The following DHRSX variants were observed in gnomAD, a reference collection of about 807,000 sequenced individuals.
DHRSX encodes dehydrogenase/reductase X-linked.
A neutral mutation model predicts 34.0 loss-of-function variants in DHRSX; 31 were observed. That is an observed-to-expected ratio of 0.91 (90% CI 0.69 to 1.23). The LOEUF (loss-of-function observed/expected upper bound fraction) is 1.23, where lower values mean the gene tolerates loss of function less well. Among genes scored for constraint, DHRSX ranks in the 50% most tolerant of loss-of-function variants. The pLI, the probability that DHRSX is intolerant of heterozygous loss-of-function variation, is 0.00. For synonymous variants in DHRSX, 201 were observed against 183.8 expected (o/e 1.09, Z -0.76); for missense variants, 414 against 428.1 (o/e 0.97, Z 0.29).
At chrX:2,288,134 AAG>A (rs1009705323) in intron 4 of DHRSX, among the ~76,000 whole-genome samples, 111 of 152,292 alleles carry the variant, frequency 7.3e-4, no homozygotes, top group Non-Finnish European at 8.8e-4. Context: ...GATAAAAAAA[AAG>A]AGAAGGCAAG....
intron 3 of DHRSX, among the ~76,000 whole-genome samples, chrX:2,324,529 G>C (rs1230720093): frequency 6.6e-6 from 1 of 152,044 alleles, no homozygotes; most frequent in South Asian, 2.1e-4. Context: ...TGCTTGCAAG[G>C]GTTCCATAAC....
intron 3 of DHRSX, among the ~76,000 whole-genome samples, chrX:2,312,265 C>T (rs1347798096): frequency 2.6e-5 from 4 of 152,024 alleles, no homozygotes; most frequent in Non-Finnish European, 1.5e-5. Context: ...TAATGAGCAA[C>T]TTGATGAAGA....
chrX:2,408,740 G>T lies in DHRSX; in HGVS notation c.286+5C>A. The T allele has an allele frequency of 6.2e-7, 1 of 1,607,388 alleles. No homozygotes were observed. The highest frequency in any genetic ancestry group is 8.5e-7 in the Non-Finnish European group (1 of 1,177,958). On this transcript the variant is annotated splice_donor_5th_base_variant and intron_variant, in intron 3 of 6. Coordinates refer to ENST00000334651, the MANE Select transcript of DHRSX (RefSeq NM_145177.3). The stretch of plus-strand genomic sequence containing the variant: ...AAAAAAAGCCATTGGAGTATCTCTC[G>T]GTACCTTTGTCGTTCAAGGTTTCTT...
intron 3 of DHRSX, among the ~76,000 whole-genome samples, chrX:2,341,593 C>T (rs1256799489): frequency 6.7e-6 from 1 of 149,230 alleles, no homozygotes. Context: ...TTTTTTACAT[C>T]TGCAAAGACC....
At chrX:2,412,975 T>A (rs1369674251) in intron 2 of DHRSX, among the ~76,000 whole-genome samples, 1 of 152,116 alleles carries the variant, frequency 6.6e-6, no homozygotes, top group African/African-American at 2.4e-5. Flanking sequence ...GGCAGGTGGA[T>A]CACAAGGTCA....
At chrX:2,465,827 G>GAAAGAAAAAAGAAA (rs1478487140) in intron 1 of DHRSX, among the ~76,000 whole-genome samples, 1 of 134,292 alleles carries the variant, frequency 7.4e-6, no homozygotes, top group Non-Finnish European at 1.6e-5. Context: ...AAAAAAAAAA[G>GAAAGAAAAAAGAAA]AGAAAAGAAA....
chrX:2,316,142 G>A (rs1270124522), intron 3 of DHRSX, among the ~76,000 whole-genome samples: 13 of 152,104 alleles, frequency 8.5e-5, no homozygotes, highest in African/African-American at 2.4e-4. Context: ...GATAACAGGC[G>A]TGAGCCACCG....
chrX:2,380,552 C>CT (rs1218541055), intron 3 of DHRSX, among the ~76,000 whole-genome samples: 1 of 151,982 alleles, frequency 6.6e-6, no homozygotes, highest in Non-Finnish European at 1.5e-5. Context: ...GCTCTGTGTC[C>CT]CCATCCAAAT....
intron 2 of DHRSX, among the ~76,000 whole-genome samples, 185 bp downstream of exon 2, chrX:2,425,012 T>A (rs997848578): frequency 6.6e-6 from 1 of 151,872 alleles, no homozygotes; most frequent in Non-Finnish European, 1.5e-5. Context: ...TGGTGGTGCA[T>A]GTCTGTAAAC....
rs186187011 is a variant in DHRSX at position 2,295,712 on chromosome X, C to T, written c.287-4109G>A. Among the ~76,000 whole-genome samples, 7 of 152,232 alleles carry T rather than the reference C, an allele frequency of 4.6e-5. No individual in the cohort carries two copies. The South Asian group carries it at 1.0e-3, about 23-fold the overall frequency. On this transcript the variant is annotated intron_variant, in intron 3 of 6. Transcript: ENST00000334651. ...GCTGAGTCTGTGTTATTTTGTTACA[C>T]GGCATGTGTAACTAATACACAAAAT... is the stretch of plus-strand genomic sequence containing the variant.
chrX:2,238,652 C>T (rs868096437), intron 6 of DHRSX, among the ~76,000 whole-genome samples: 7 of 150,952 alleles, frequency 4.6e-5, no homozygotes, highest in African/African-American at 7.3e-5. Flanking sequence ...GGCGCCATCT[C>T]GGCTTACTGC....
intron 1 of DHRSX, among the ~76,000 whole-genome samples, chrX:2,457,960 T>C (rs1397511666): frequency 6.6e-6 from 1 of 150,910 alleles, no homozygotes; most frequent in Non-Finnish European, 1.5e-5. Context: ...AGACATTCCC[T>C]AAGCTTGTGG....
At chrX:2,366,727 G>A (rs2042998048) in intron 3 of DHRSX, among the ~76,000 whole-genome samples, 1 of 151,880 alleles carries the variant, frequency 6.6e-6, no homozygotes, top group South Asian at 2.1e-4. Context: ...CATCTTGAGA[G>A]GGAGACCAGA....
At chrX:2,338,297 C>G (rs375020612) in intron 3 of DHRSX, among the ~76,000 whole-genome samples, 85 of 151,730 alleles carry the variant, frequency 5.6e-4, no homozygotes, top group African/African-American at 2.0e-3. Context: ...AGTGCCATTG[C>G]ACTCCAGCCT....
intron 3 of DHRSX, among the ~76,000 whole-genome samples, chrX:2,384,359 C>T (rs28696707): frequency 0.23 from 35,680 of 152,026 alleles, 5,435 homozygotes; most frequent in Non-Finnish European, 0.35. Context: ...TTGGTGAGAA[C>T]TAGCAGAGCA....
At chrX:2,400,078 C>A (rs1383573401) in intron 3 of DHRSX, among the ~76,000 whole-genome samples, 1 of 152,116 alleles carries the variant, frequency 6.6e-6, no homozygotes, top group Non-Finnish European at 1.5e-5. Context: ...TGAATATATG[C>A]TGAACCAGAA....
intron 3 of DHRSX, among the ~76,000 whole-genome samples, chrX:2,395,735 T>C (rs746576282): frequency 6.6e-6 from 1 of 152,226 alleles, no homozygotes; most frequent in South Asian, 2.1e-4. Context: ...CCGGAAGCCA[T>C]GCATTTCCCT....
chrX:2,488,871 C>G, intron 1 of DHRSX: 2 of 1,612,756 alleles, frequency 1.2e-6, no homozygotes, highest in Non-Finnish European at 8.5e-7. Context: ...CGCTCAGGGG[C>G]GACGCGCGTG....
At chrX:2,490,841 A>G in intron 1 of DHRSX, 1 of 1,390,994 alleles carries the variant, frequency 7.2e-7, no homozygotes, top group Non-Finnish European at 9.8e-7. Context: ...TGCCGGGGAG[A>G]CAGACAGGGT....
Sources: allele counts gnomAD v4.1 joint callset (sites outside exome capture counted in the v4.1 genomes callset), GRCh38; gene constraint gnomAD v4.1.1; transcripts MANE v1.5; gene names NCBI Gene and HGNC (gene_info 2026-07-23, HGNC 2026-07-21).